The following B3GLCT variants were observed in gnomAD, a reference collection of about 807,000 sequenced individuals.
The protein encoded by B3GLCT is beta 3-glucosyltransferase.
In B3GLCT, 65 loss-of-function variants were observed where a neutral mutation model predicts 63.4. That is an observed-to-expected ratio of 1.03 (90% CI 0.84 to 1.26). The LOEUF (loss-of-function observed/expected upper bound fraction) is 1.26, where lower values mean the gene tolerates loss of function less well. Among genes scored for constraint, B3GLCT ranks in the 50% most tolerant of loss-of-function variants. The pLI is 0.00. For synonymous variants in B3GLCT, 233 were observed against 219.2 expected (o/e 1.06, Z -0.55); for missense variants, 577 against 604.8 (o/e 0.95, Z 0.48).
intron 4 of B3GLCT, among the ~76,000 whole-genome samples, chr13:31,238,262 G>T (rs905878652): frequency 6.6e-6 from 1 of 152,222 alleles, no homozygotes; most frequent in African/African-American, 2.4e-5. Flanking sequence ...ATTACAGCAT[G>T]AATCTAAAAA....
intron 4 of B3GLCT, among the ~76,000 whole-genome samples, chr13:31,238,344 T>C (rs1187806452): frequency 6.6e-6 from 1 of 152,234 alleles, no homozygotes; most frequent in African/African-American, 2.4e-5. Flanking sequence ...AGAGTTAAAC[T>C]GTTTCCCTTG....
Position 31,299,133 on chromosome 13 carries a change from G to C in B3GLCT, c.1064+12314G>C, listed in dbSNP as rs115386494. ...CCCCTTCTTCTCCAGACCAGCCTTAGAAAAACAGGAACATCTAGTGGGCAG... is the reference window on the plus strand; with the variant it reads ...CCCCTTCTTCTCCAGACCAGCCTTACAAAAACAGGAACATCTAGTGGGCAG... On this transcript the variant is annotated intron_variant, in intron 12 of 14. Coordinates refer to ENST00000343307, the MANE Select transcript of B3GLCT (RefSeq NM_194318.4). Among the ~76,000 whole-genome samples the C allele has an allele frequency of 4.1e-3, 624 of 152,294 alleles. 4 individuals are homozygous for C. The highest frequency in any genetic ancestry group is 0.014 in the African/African-American group (590 of 41,566).
rs1019833218 is a variant in B3GLCT, at chr13:31,317,655, G to A, written c.1154G>A (p.Gly385Asp). 6.2e-7 allele frequency: 1 copy of A among 1,614,094 alleles called. No individual in the cohort carries two copies. Reference protein sequence around the residue: ...GERYGYGLGTGGYSYITGGGG... With the variant: ...GERYGYGLGTDGYSYITGGGG... ...CGCTACGGCTACGGCCTGGGCACTG[G>A]TGGCTACAGCTACATCACGGGAGGA... The change falls in exon 13 of 15, where the codon GGT becomes GAT. Residue 385 changes from glycine (G) to aspartate (D), a missense_variant. Gly to Asp is a moderately conservative substitution (Grantham distance 94, BLOSUM62 -1). Coordinates refer to ENST00000343307, the MANE Select transcript of B3GLCT (RefSeq NM_194318.4).
chr13:31,229,635 A>T (rs544425949), intron 4 of B3GLCT, among the ~76,000 whole-genome samples: 123 of 151,874 alleles, frequency 8.1e-4, no homozygotes, highest in African/African-American at 2.8e-3. Context: ...AATCCCAGCT[A>T]CTCAGGAGGC....
intron 7 of B3GLCT, 32 bp downstream of exon 7, chr13:31,261,114 G>T (rs750588447): frequency 6.3e-7 from 1 of 1,590,762 alleles, no homozygotes; most frequent in East Asian, 2.2e-5. Flanking sequence ...TTCGGGGGGC[G>T]GGAGGGGTGT....
intron 1 of B3GLCT, among the ~76,000 whole-genome samples, chr13:31,211,602 T>A (rs995510631): frequency 6.6e-6 from 1 of 151,476 alleles, no homozygotes. Context: ...TTTTTTTTTT[T>A]AAAGGGATAT....
rs1455141643 is a variant in B3GLCT at position 31,215,887 on chromosome 13, T to A, written c.120+787T>A. 2.0e-5 allele frequency among the ~76,000 whole-genome samples: 3 copies of A among 152,002 alleles called. No individual in the cohort carries two copies. In the East Asian group the frequency reaches 5.8e-4, roughly 29 times the overall value. On this transcript the variant is annotated intron_variant, in intron 2 of 14. Transcript: ENST00000343307. The stretch of plus-strand genomic sequence containing the variant: ...CAAAGGTGACTATGCTACCAGAGAG[T>A]CAGAACCAGAAAGCTAGGCCAGGGG...
chr13:31,213,124 C>G (rs1869363707), intron 1 of B3GLCT, among the ~76,000 whole-genome samples: 1 of 152,068 alleles, frequency 6.6e-6, no homozygotes, highest in South Asian at 2.1e-4. Flanking sequence ...CACTAAACGT[C>G]TTTGTTCTAC....
At chr13:31,281,774 G>T (rs1039839981) in intron 10 of B3GLCT, among the ~76,000 whole-genome samples, 9 of 152,246 alleles carry the variant, frequency 5.9e-5, no homozygotes, top group African/African-American at 1.9e-4. Flanking sequence ...GCTGAAAATA[G>T]TGGATTCCTT....
intron 12 of B3GLCT, among the ~76,000 whole-genome samples, chr13:31,297,150 G>A (rs558111654): frequency 2.0e-5 from 3 of 151,886 alleles, no homozygotes; most frequent in Non-Finnish European, 4.4e-5. Context: ...ATACAGTATG[G>A]ATAGACCATA....
intron 13 of B3GLCT, among the ~76,000 whole-genome samples, chr13:31,318,845 C>T (rs918894468): frequency 2.0e-5 from 3 of 152,162 alleles, no homozygotes; most frequent in Non-Finnish European, 4.4e-5. Context: ...TACTTTATAG[C>T]ATGATGGCGT....
chr13:31,323,493 G>T (rs537065139), intron 13 of B3GLCT, among the ~76,000 whole-genome samples: 1 of 152,290 alleles, frequency 6.6e-6, no homozygotes, highest in South Asian at 2.1e-4. Context: ...TCTACCTTAG[G>T]ATCAGAATGA....
intron 1 of B3GLCT, among the ~76,000 whole-genome samples, chr13:31,211,326 G>A (rs934564981): frequency 6.6e-6 from 1 of 152,132 alleles, no homozygotes; most frequent in African/African-American, 2.4e-5. Context: ...AACCTGGGAG[G>A]TGGAGGTTGC....
chr13:31,210,863 G>A (rs1419381871), intron 1 of B3GLCT, among the ~76,000 whole-genome samples: 1 of 152,030 alleles, frequency 6.6e-6, no homozygotes, highest in African/African-American at 2.4e-5. Flanking sequence ...TCCCACCTCA[G>A]CCTCCCAAGT....
intron 12 of B3GLCT, among the ~76,000 whole-genome samples, chr13:31,306,504 A>G (rs1469126071): frequency 3.7e-5 from 4 of 108,622 alleles, no homozygotes; most frequent in African/African-American, 1.2e-4. Flanking sequence ...AAATCAATGT[A>G]CAAAAATCAC....
rs567244683 is a variant in B3GLCT at position 31,215,138 on chromosome 13, A to G, written c.120+38A>G. 5.1e-6 allele frequency: 8 copies of G among 1,568,810 alleles called. No homozygotes were observed. The Admixed American group carries it at 1.0e-4, about 20-fold the overall frequency. On this transcript the variant is annotated intron_variant, in intron 2 of 14. Coordinates refer to ENST00000343307, the MANE Select transcript of B3GLCT (RefSeq NM_194318.4). ...ATGATCAAATCTTTTCCTCCCTTCT[A>G]AGATTCATTTGTATTTTCTCTGATA...
chr13:31,222,874 C>A (rs1483649738), intron 2 of B3GLCT, 78 bp from the exon 3 acceptor site: 1 of 940,524 alleles, frequency 1.1e-6, no homozygotes, highest in South Asian at 1.3e-5. Flanking sequence ...ATACCATGCA[C>A]CATGCATGTT....
intron 6 of B3GLCT, among the ~76,000 whole-genome samples, chr13:31,252,631 A>G (rs991574262): frequency 6.6e-6 from 1 of 152,220 alleles, no homozygotes; most frequent in Non-Finnish European, 1.5e-5. Flanking sequence ...AGGGCATTGC[A>G]TAATGGTAAA....
In B3GLCT at chr13:31,330,918, C is replaced by T. The variant is rs1220570054; in HGVS notation, c.*1250C>T. ...CAGCACAGAATTTAAAGCCATACCA[C>T]CAAAAGTACCTGTGTGTGTTAATAT... On this transcript the variant is annotated 3_prime_UTR_variant, in exon 15 of 15. Transcript: ENST00000343307. 6.6e-6 allele frequency: 1 copy of T among 152,106 alleles called. No individual in the cohort carries two copies. Among genetic ancestry groups the T allele is most frequent in the Non-Finnish European group, 1.5e-5 (1 of 68,028 alleles). The allele number at this position is 152,106 out of a possible 1,614,324, so 9.4% of individuals were successfully genotyped here. A position where few individuals can be genotyped will look rare whatever the true frequency, so the allele number is the denominator to read the frequency against.
Sources: gnomAD v4.1 joint callset for allele counts (sites outside exome capture counted in the v4.1 genomes callset) on GRCh38, gnomAD v4.1.1 for gene constraint, MANE v1.5 for transcripts, NCBI Gene and HGNC (gene_info 2026-07-23, HGNC 2026-07-21) for gene names.